The following EEF1AKMT1 variants were observed in gnomAD, a reference collection of about 807,000 sequenced individuals.
EEF1AKMT1 encodes EEF1A lysine methyltransferase 1.
In EEF1AKMT1, 18 loss-of-function variants were observed where a neutral mutation model predicts 21.0. The observed-to-expected ratio is 0.86, with a 90% CI of 0.59 to 1.27. The LOEUF (loss-of-function observed/expected upper bound fraction) is 1.27. EEF1AKMT1 is among the 50% of genes most tolerant of loss of function. The probability of loss-of-function intolerance (pLI) is 0.00; values close to 1 mark genes in which losing one functional copy is unlikely to be tolerated. For missense variants in EEF1AKMT1, 246 were observed against 258.6 expected, an observed-to-expected ratio of 0.95 and a Z score of 0.33; for synonymous variants, 109 against 94.8, an observed-to-expected ratio of 1.15 and a Z score of -0.87.
chr13:20,762,114 A>G (rs1278758510), intron 1 of EEF1AKMT1, among the ~76,000 whole-genome samples: 2 of 151,866 alleles, frequency 1.3e-5, no homozygotes, highest in African/African-American at 4.8e-5. Context: ...GGGTCTTCCA[A>G]TCCATAAAAC....
intron 2 of EEF1AKMT1, among the ~76,000 whole-genome samples, chr13:20,752,682 C>T (rs1237949804): frequency 6.6e-6 from 1 of 152,072 alleles, no homozygotes; most frequent in Non-Finnish European, 1.5e-5. Context: ...GGAGAATTCT[C>T]TCCACTTCAA....
intron 1 of EEF1AKMT1, among the ~76,000 whole-genome samples, chr13:20,772,350 A>T (rs1347994471): frequency 6.6e-6 from 1 of 152,172 alleles, no homozygotes; most frequent in Non-Finnish European, 1.5e-5. Context: ...CAGTTCTCAC[A>T]GAATGAGGAG....
intron 2 of EEF1AKMT1, among the ~76,000 whole-genome samples, chr13:20,739,152 G>A (rs759073385): frequency 6.6e-6 from 1 of 151,960 alleles, no homozygotes; most frequent in South Asian, 2.1e-4. Flanking sequence ...GGAGTTGGTA[G>A]TTCCTCCCAT....
chr13:20,753,377 C>A (rs557638933), intron 2 of EEF1AKMT1, among the ~76,000 whole-genome samples: 6 of 152,238 alleles, frequency 3.9e-5, no homozygotes, highest in African/African-American at 1.2e-4. Context: ...GAGAAGGTTC[C>A]ATGTGATGAT....
chr13:20,751,930 G>T, intron 2 of EEF1AKMT1, among the ~76,000 whole-genome samples: 1 of 151,812 alleles, frequency 6.6e-6, no homozygotes, highest in African/African-American at 2.4e-5. Flanking sequence ...TTGCCTTCTC[G>T]ATTTCTTTCT....
chr13:20,768,769 A>G (rs1412379495), intron 1 of EEF1AKMT1: 2 of 152,530 alleles, frequency 1.3e-5, no homozygotes, highest in Non-Finnish European at 2.9e-5. Context: ...TCTGATCAGC[A>G]GCAGCTACCC....
chr13:20,749,473 C>T (rs975974707), intron 2 of EEF1AKMT1, among the ~76,000 whole-genome samples: 1 of 152,194 alleles, frequency 6.6e-6, no homozygotes, highest in Non-Finnish European at 1.5e-5. Context: ...TTGCAGCAAA[C>T]CCTCCTGCAG....
intron 2 of EEF1AKMT1, among the ~76,000 whole-genome samples, chr13:20,748,447 A>G (rs906683811): frequency 5.3e-5 from 8 of 151,838 alleles, no homozygotes; most frequent in Non-Finnish European, 1.0e-4. Context: ...AAAAAAAAAA[A>G]AGTCAAAAGC....
intron 1 of EEF1AKMT1, among the ~76,000 whole-genome samples, chr13:20,771,776 C>G (rs1382237828): frequency 1.3e-5 from 2 of 152,134 alleles, no homozygotes; most frequent in South Asian, 2.1e-4. Flanking sequence ...TTTGGGAGAT[C>G]GAGGCGGGCA....
intron 3 of EEF1AKMT1, among the ~76,000 whole-genome samples, chr13:20,733,094 C>CTTTT (rs56061412): frequency 0.025 from 3,186 of 126,448 alleles, 195 homozygotes; most frequent in African/African-American, 0.09. Context: ...CTGTGATACA[C>CTTTT]TTTTTTTTTT....
In EEF1AKMT1 at chr13:20,738,731, A is replaced by C. The variant is rs555471415; in HGVS notation, c.145-926T>G. Among the ~76,000 whole-genome samples, 3 of 152,258 alleles carry C rather than the reference A, an allele frequency of 2.0e-5. No homozygotes were observed. In the East Asian group the frequency reaches 5.8e-4, roughly 29 times the overall value. ...ACTGAACGAAAGAAATCAGACACCA[A>C]AGGCCACATACTGTGTAATTCTGTT... On this transcript the variant is annotated intron_variant, in intron 2 of 4. Transcript: ENST00000382758.
rs538285191 is a variant in EEF1AKMT1, at chr13:20,759,974, G to A, written c.-19-2357C>T. Among the ~76,000 whole-genome samples, 114 of 151,804 alleles carry A rather than the reference G, an allele frequency of 7.5e-4. 1 individual carries two copies. Among genetic ancestry groups the A allele is most frequent in the Non-Finnish European group, 9.4e-4 (64 of 67,908 alleles). ...AAAAAAATTAGCCGGGTGTGGTGGCGGGCACCTGTAGTCCCAGCTACTCGG... is the reference window on the plus strand; with the variant it reads ...AAAAAAATTAGCCGGGTGTGGTGGCAGGCACCTGTAGTCCCAGCTACTCGG... On this transcript the variant is annotated intron_variant, in intron 1 of 4. Transcript: ENST00000382758.
intron 1 of EEF1AKMT1, chr13:20,769,122 C>T (rs1198324129): frequency 6.6e-6 from 1 of 151,894 alleles, no homozygotes; most frequent in Non-Finnish European, 1.5e-5. Context: ...TTTGTGCACC[C>T]ACGAGAGAGG....
At chr13:20,759,518 T>C (rs2058988393) in intron 1 of EEF1AKMT1, among the ~76,000 whole-genome samples, 1 of 151,684 alleles carries the variant, frequency 6.6e-6, no homozygotes, top group Non-Finnish European at 1.5e-5. Flanking sequence ...AGGCGGAGCT[T>C]GCAGTAAGCC....
At chr13:20,767,681 T>A (rs1225734584) in intron 1 of EEF1AKMT1, among the ~76,000 whole-genome samples, 1 of 152,200 alleles carries the variant, frequency 6.6e-6, no homozygotes, top group Non-Finnish European at 1.5e-5. Context: ...GTATTTTGTG[T>A]TTATTGAGCT....
In EEF1AKMT1 at chr13:20,737,749, T is replaced by G. The variant is rs550563497; in HGVS notation, c.201A>C (p.Ala67=). 1 of 1,613,012 alleles carries G rather than the reference T, an allele frequency of 6.2e-7. No homozygotes were observed. The highest frequency in any genetic ancestry group is 1.1e-5 in the South Asian group (1 of 90,774). The change falls in exon 3 of 5, where the codon GCA becomes GCC. Residue 67 remains alanine, a synonymous_variant. Transcript: ENST00000382758. ...QETALQLAQE[A]IAAVGEGGRI... is the part of the protein sequence containing the mutation. ...TGCCACCTTCTCCTACAGCTGCAAT[T>G]GCCTCCTGTGCCAGCTGCAGAGCAG...
intron 2 of EEF1AKMT1, among the ~76,000 whole-genome samples, chr13:20,738,204 G>C (rs1368627420): frequency 1.3e-5 from 2 of 152,320 alleles, no homozygotes; most frequent in South Asian, 4.1e-4. Flanking sequence ...GAGGATGGAA[G>C]AATGAGTTCA....
At chr13:20,747,127 G>T in intron 2 of EEF1AKMT1, 1 of 158,204 alleles carries the variant, frequency 6.3e-6, no homozygotes, top group Non-Finnish European at 1.4e-5. Flanking sequence ...CCCTCATCAG[G>T]GAGATGATGA....
chr13:20,756,762 T>C (rs2058974040), intron 2 of EEF1AKMT1, among the ~76,000 whole-genome samples: 1 of 152,194 alleles, frequency 6.6e-6, no homozygotes, highest in African/African-American at 2.4e-5. Flanking sequence ...TTTACCTATT[T>C]TACATATACT....
Sources: gnomAD v4.1 joint callset for allele counts (sites outside exome capture counted in the v4.1 genomes callset) on GRCh38, gnomAD v4.1.1 for gene constraint, MANE v1.5 for transcripts, NCBI Gene and HGNC (gene_info 2026-07-23, HGNC 2026-07-21) for gene names.